NDST1: variants seen among roughly 807,000 people sequenced by gnomAD.
NDST1 encodes bifunctional heparan sulfate N-deacetylase/N-sulfotransferase 1.
NDST1 carries 35 observed loss-of-function variants against 92.8 expected under a neutral mutation model. The observed-to-expected ratio is 0.38, with a 90% CI of 0.29 to 0.50. The LOEUF (loss-of-function observed/expected upper bound fraction) is 0.50, where lower values mean the gene tolerates loss of function less well. Ranked by LOEUF, NDST1 falls within the 20% of genes least tolerant of loss-of-function variation. The probability of loss-of-function intolerance (pLI) is 0.94; values close to 1 mark genes in which losing one functional copy is unlikely to be tolerated. For missense variants in NDST1, 822 were observed against 1,182.7 expected (o/e 0.69, Z 4.47); for synonymous variants, 493 against 500.3 (o/e 0.99, Z 0.19).
chr5:150,514,560 C>CAAA (rs34675841), intron 1 of NDST1, among the ~76,000 whole-genome samples: 5 of 54,998 alleles, frequency 9.1e-5, no homozygotes, highest in East Asian at 5.4e-4. Flanking sequence ...GACTCCGTCT[C>CAAA]AAAAAAAAAA....
chr5:150,528,202 G>A lies in NDST1; in HGVS notation c.912G>A (p.Lys304=), dbSNP rs567396014. The part of the protein sequence containing the change: ...FVDAVAFLTG[K]RLSLPLDRYI... ...ATGCCGTGGCCTTCCTCACGGGGAA[G>A]CGCCTCTCCCTGCCATTGGACCGCT... The change falls in exon 3 of 15, where the codon AAG becomes AAA. Residue 304 remains lysine (K), a synonymous_variant. Transcript: ENST00000261797. 8.7e-6 allele frequency: 14 copies of A among 1,614,224 alleles called. No homozygotes were observed. The South Asian group carries it at 1.2e-4, about 14-fold the overall frequency.
chr5:150,545,238 G>C, intron 10 of NDST1, 74 bp from the exon 11 acceptor site: 1 of 1,550,152 alleles, frequency 6.5e-7, no homozygotes, highest in Non-Finnish European at 8.9e-7. Context: ...CCAGTGCCTC[G>C]CCCTTGTGCT....
rs57080643 is a variant in NDST1 at position 150,527,211 on chromosome 5, G to T, written c.514-593G>T. Among the ~76,000 whole-genome samples, 865 of 152,354 alleles carry T rather than the reference G, an allele frequency of 5.7e-3. 5 individuals are homozygous for T. The highest frequency in any genetic ancestry group is 0.019 in the African/African-American group (804 of 41,580). ...CCTCCCAACCACTGTGCTACTGAGG[G>T]CAGCATGCCCCTCCAAGCCTCGGTT... On this transcript the variant is annotated intron_variant, in intron 2 of 14. Coordinates refer to ENST00000261797, the MANE Select transcript of NDST1 (RefSeq NM_001543.5).
In NDST1 at chr5:150,555,441, A is replaced by T. The variant is rs1268141119; in HGVS notation, c.*2109A>T. On this transcript the variant is annotated 3_prime_UTR_variant, in exon 15 of 15. Transcript: ENST00000261797. The stretch of plus-strand genomic sequence containing the variant: ...AGTGGGACCAGCTGCAGGTGGTTTC[A>T]CTGTGTACACAGCAGTGTCCCCATC... 1.3e-5 allele frequency: 2 copies of T among 152,756 alleles called. No homozygotes were observed. Among genetic ancestry groups the T allele is most frequent in the African/African-American group, 4.8e-5 (2 of 41,444 alleles). 9.5% of individuals were successfully genotyped at this position (152,756 alleles called of 1,614,324 possible).
rs1445461356 is a variant in NDST1 at position 150,521,623 on chromosome 5, C to T, written c.369C>T (p.Pro123=). ...TTGCGCCGGGCAAGGGTGACATGCCCACGCTCACTGACAAGGGCCGTGGCC... is the reference window on the plus strand; with the variant it reads ...TTGCGCCGGGCAAGGGTGACATGCCTACGCTCACTGACAAGGGCCGTGGCC... ...TEIAPGKGDM[P]TLTDKGRGRF... The change falls in exon 2 of 15, where the codon CCC becomes CCT. Residue 123 remains proline, a synonymous_variant. Transcript: ENST00000261797. This position sits in a 1 kb window ranked among gnomAD's most constrained non-coding sequence, Gnocchi z 5.9. The T allele has an allele frequency of 2.5e-6, 4 of 1,613,928 alleles. No homozygotes were observed. The highest frequency in any genetic ancestry group is 3.4e-6 in the Non-Finnish European group (4 of 1,180,048).
chr5:150,502,837 A>C (rs1467599256), intron 1 of NDST1, among the ~76,000 whole-genome samples: 1 of 152,072 alleles, frequency 6.6e-6, no homozygotes, highest in East Asian at 1.9e-4. Flanking sequence ...GTGGAGGTTC[A>C]GGCCTTATCC....
intron 1 of NDST1, among the ~76,000 whole-genome samples, chr5:150,499,992 C>A (rs1487440504): frequency 2.0e-5 from 3 of 152,200 alleles, no homozygotes; most frequent in African/African-American, 7.2e-5. Flanking sequence ...CTCCATTGGG[C>A]CTCTCTGTGC....
intron 4 of NDST1, among the ~76,000 whole-genome samples, chr5:150,533,901 G>T (rs1181123173): frequency 6.6e-6 from 1 of 151,764 alleles, no homozygotes; most frequent in Non-Finnish European, 1.5e-5. Context: ...TGGTCAACAT[G>T]GCAAAACCCC....
At chr5:150,547,758 T>C (rs1211884703) in intron 11 of NDST1, among the ~76,000 whole-genome samples, 2 of 152,226 alleles carry the variant, frequency 1.3e-5, no homozygotes, top group African/African-American at 2.4e-5. Context: ...TGATCTTGGC[T>C]CACTGCAACC....
chr5:150,523,935 A>G (rs560273315), intron 2 of NDST1, among the ~76,000 whole-genome samples: 2 of 152,292 alleles, frequency 1.3e-5, no homozygotes, highest in South Asian at 4.1e-4. Flanking sequence ...GCTCAAATGC[A>G]TGCCCTCTGG....
At chr5:150,498,477 C>G (rs759561711) in intron 1 of NDST1, among the ~76,000 whole-genome samples, 2 of 152,196 alleles carry the variant, frequency 1.3e-5, no homozygotes, top group Non-Finnish European at 2.9e-5. Flanking sequence ...GCTCCGCACT[C>G]TGTGCTGGGC....
intron 3 of NDST1, among the ~76,000 whole-genome samples, chr5:150,531,067 T>G: frequency 6.9e-6 from 1 of 144,108 alleles, no homozygotes; most frequent in African/African-American, 2.6e-5. Context: ...AAGGGCAGAG[T>G]TTTTTTTTTT....
upstream of NDST1, among the ~76,000 whole-genome samples, chr5:150,507,253 C>T (rs189151442): frequency 1.3e-4 from 20 of 151,710 alleles, no homozygotes; most frequent in African/African-American, 4.1e-4. Context: ...TTAAGCCCCA[C>T]GTATAAACAT....
intron 1 of NDST1, among the ~76,000 whole-genome samples, chr5:150,512,177 T>C (rs988411974): frequency 6.6e-6 from 1 of 152,084 alleles, no homozygotes; most frequent in Non-Finnish European, 1.5e-5. Flanking sequence ...CCCCACCCCA[T>C]GTGCATGTGG....
chr5:150,535,920 AATGGAGAGCACAGTCTGTC>A, intron 6 of NDST1, 35 bp downstream of exon 6: 2 of 1,600,590 alleles, frequency 1.2e-6, no homozygotes, highest in Admixed American at 3.4e-5. Flanking sequence ...GAGGTGGGAG[AATGGAGAGCACAGTCTGTC>A]ATGTGTGTGC....
rs749911323 is a variant in NDST1 at position 150,521,263 on chromosome 5, C to G, written c.9C>G (p.Ala3=). The G allele has an allele frequency of 1.2e-6, 2 of 1,607,440 alleles. No homozygotes were observed. Among genetic ancestry groups the G allele is most frequent in the South Asian group, 2.2e-5 (2 of 91,058 alleles). The change falls in exon 2 of 15, where the codon GCC becomes GCG. Residue 3 remains alanine (A), a synonymous_variant. Transcript: ENST00000261797. The surrounding 1 kb of genome is among the most constrained non-coding windows in gnomAD (Gnocchi z 5.9). MP[A]LACLRRLCRH... ...AGGTCTCGGAGGCCAGGATGCCTGC[C>G]CTGGCATGCCTCCGGAGGCTGTGTC... is the stretch of plus-strand genomic sequence containing the variant.
intron 1 of NDST1, among the ~76,000 whole-genome samples, chr5:150,499,344 C>T (rs554791796): frequency 4.6e-5 from 7 of 152,350 alleles, no homozygotes; most frequent in Admixed American, 2.6e-4. Context: ...CACTTCACCC[C>T]ATCCCCAGCC....
chr5:150,531,388 C>T (rs570688802), intron 3 of NDST1, among the ~76,000 whole-genome samples: 5 of 152,184 alleles, frequency 3.3e-5, no homozygotes, highest in Admixed American at 6.5e-5. Flanking sequence ...AGGCGGTGCA[C>T]GGCCCTGGTA....
At position 150,552,000 on chromosome 5, in the gene NDST1, A is replaced by G. The variant is rs1755744921; in HGVS notation, c.2529+145A>G. On this transcript the variant is annotated intron_variant, in intron 14 of 14. Transcript: ENST00000261797. ...TTGGACAGTATTTGTAAGAGGAGGAAAATGGGGGCTGGGACATGGTGGGTC... is the reference window on the plus strand; with the variant it reads ...TTGGACAGTATTTGTAAGAGGAGGAGAATGGGGGCTGGGACATGGTGGGTC... 2.2e-6 allele frequency: 3 copies of G among 1,367,520 alleles called. No homozygotes were observed. The South Asian group carries it at 3.8e-5, about 17-fold the overall frequency. 84.7% of individuals were successfully genotyped at this position (1,367,520 alleles called of 1,614,324 possible).
Sources: allele counts gnomAD v4.1 joint callset (sites outside exome capture counted in the v4.1 genomes callset), GRCh38; gene constraint gnomAD v4.1.1; non-coding constraint Gnocchi (gnomAD v3.1); transcripts MANE v1.5; gene names NCBI Gene and HGNC (gene_info 2026-07-23, HGNC 2026-07-21).